The following BAHCC1 variants were observed in gnomAD, a reference collection of about 807,000 sequenced individuals.
The protein encoded by BAHCC1 is BAH domain and coiled-coil containing 1.
Under a neutral mutation model 88.2 loss-of-function variants are expected in BAHCC1, and 43 were observed. The observed-to-expected ratio is 0.49, with a 90% CI of 0.38 to 0.63. BAHCC1 has a LOEUF of 0.63. Ranked by LOEUF, BAHCC1 falls within the 20% of genes least tolerant of loss-of-function variation. The pLI, the probability that BAHCC1 is intolerant of heterozygous loss-of-function variation, is 0.00. For missense variants in BAHCC1, 3,023 were observed against 1,654.8 expected (o/e 1.83, Z -14.34); for synonymous variants, 1,510 against 745.5 (o/e 2.03, Z -16.71).
intron 10 of BAHCC1, among the ~76,000 whole-genome samples, chr17:81,446,153 T>C (rs1446373979): frequency 1.3e-5 from 2 of 152,046 alleles, no homozygotes; most frequent in Non-Finnish European, 2.9e-5. Context: ...CACCAGCCTA[T>C]TTGATTCTCT....
Position 81,462,958 on chromosome 17 carries a change from G to A in BAHCC1, c.7602G>A (p.Lys2534=). The change falls in exon 27 of 28, where the codon AAG becomes AAA. Residue 2534 remains lysine (K), a synonymous_variant. Coordinates refer to ENST00000675386, the MANE Select transcript of BAHCC1 (RefSeq NM_001377448.1). ...FYHPEETKLG[K]RQCDGKNALY... The stretch of plus-strand genomic sequence containing the variant: ...ACCCTGAGGAGACCAAGCTGGGCAA[G>A]AGGCAGTGCGACGGCAAGGTGAGGC... 1.3e-6 allele frequency: 1 copy of A among 781,082 alleles called. No individual in the cohort carries two copies. The highest frequency in any genetic ancestry group is 2.4e-6 in the Non-Finnish European group (1 of 418,888). The allele number at this position is 781,082 out of a possible 1,614,324, so 48.4% of individuals were successfully genotyped here.
At position 81,425,205 on chromosome 17, in the gene BAHCC1, A is replaced by ATG. The variant is rs2064166403; in HGVS notation, c.179-1594_179-1593dup. 1.8e-3 allele frequency among the ~76,000 whole-genome samples: 9 copies of ATG among 5,050 alleles called. 1 individual carries two copies. Among genetic ancestry groups the ATG allele is most frequent in the African/African-American group, 6.7e-3 (7 of 1,038 alleles). The allele number at this position is 5,050 out of a possible 152,430, so 3.3% of individuals were successfully genotyped here. On this transcript the variant is annotated intron_variant, in intron 2 of 27. Transcript: ENST00000675386. ...GTGGTGGGTGATGTGGTTGGTGATG[A>ATG]TGGTGGGTGATGTGGTTGGTGGTGA...
In BAHCC1 at chr17:81,462,777, A is replaced by T. The variant is rs967883187; in HGVS notation, c.7421A>T (p.Tyr2474Phe). The T allele has an allele frequency of 1.3e-6, 1 of 777,664 alleles. No homozygotes were observed. Among genetic ancestry groups the T allele is most frequent in the Non-Finnish European group, 2.4e-6 (1 of 416,244 alleles). 48.2% of individuals were successfully genotyped at this position (777,664 alleles called of 1,614,324 possible). The change falls in exon 27 of 28, where the codon TAC becomes TTC. Residue 2474 changes from tyrosine (Y) to phenylalanine (F), a missense_variant. Physicochemically the swap from Tyr to Phe is conservative, Grantham distance 22. Transcript: ENST00000675386. ...GMKGKARKLF[Y>F]KAIVRGEETL... ...AAGGGGAAGGCCCGGAAGCTGTTCT[A>T]CAAGGCCATCGTGCGGGGCGAGGAG... is the stretch of plus-strand genomic sequence containing the variant.
rs191228108 is a variant in BAHCC1, at chr17:81,463,634, C to T, written c.7644C>T (p.His2548=). The T allele has an allele frequency of 8.5e-5, 66 of 779,662 alleles. No individual in the cohort carries two copies. The African/African-American group carries it at 8.8e-4, about 10-fold the overall frequency. 48.3% of individuals were successfully genotyped at this position (779,662 alleles called of 1,614,324 possible). A position where few individuals can be genotyped will look rare whatever the true frequency, so the allele number is the denominator to read the frequency against. The change falls in exon 28 of 28, where the codon CAC becomes CAT. Residue 2548 remains histidine, a synonymous_variant. Coordinates refer to ENST00000675386, the MANE Select transcript of BAHCC1 (RefSeq NM_001377448.1). The part of the protein sequence containing the change: ...DGKNALYQSC[H]EDENDVQTIS... Reference sequence around the variant, plus strand: ...AGAATGCGCTGTACCAGTCCTGCCACGAGGATGAGAACGACGTGCAGACCA... The same window carrying T: ...AGAATGCGCTGTACCAGTCCTGCCATGAGGATGAGAACGACGTGCAGACCA...
chr17:81,442,119 C>A lies in BAHCC1; in HGVS notation c.770C>A (p.Pro257Gln). 1.5e-6 allele frequency: 1 copy of A among 683,578 alleles called. No individual in the cohort carries two copies. The allele number at this position is 683,578 out of a possible 1,614,324, so 42.3% of individuals were successfully genotyped here. ...KERHKLVLPV[P>Q]ADGHCREGGP... ...CGGCACAAGCTGGTGCTGCCCGTGC[C>A]AGCCGACGGGCACTGCAGGGAGGGC... is the stretch of plus-strand genomic sequence containing the variant. Residue 257 changes from proline to glutamine, a missense_variant, in exon 5 of 28, where the codon CCA becomes CAA. Physicochemically the swap from Pro to Gln is moderately conservative, Grantham distance 76. Transcript: ENST00000675386.
At chr17:81,406,500 T>C (rs2063881028) in intron 2 of BAHCC1, among the ~76,000 whole-genome samples, 6 of 151,810 alleles carry the variant, frequency 4.0e-5, no homozygotes, top group Admixed American at 3.3e-4. Context: ...CAGCGTGCAG[T>C]GTCTGGAAAA....
At chr17:81,456,710 G>A (rs907017877) in intron 16 of BAHCC1, 125 bp downstream of exon 16, 1 of 591,228 alleles carries the variant, frequency 1.7e-6, no homozygotes, top group Non-Finnish European at 3.0e-6. Context: ...GGTGTGACAG[G>A]TCCAAGGAGA....
At position 81,399,521 on chromosome 17, in the gene BAHCC1, T is replaced by G. The variant is rs1400346458; in HGVS notation, c.-206-13T>G. On this transcript the variant is annotated splice_polypyrimidine_tract_variant and intron_variant, in intron 1 of 27. Transcript: ENST00000675386. The surrounding 1 kb of genome is among the most constrained non-coding windows in gnomAD (Gnocchi z 4.5). ...CCCAGTCACCCGTGTCTCCTCTGCT[T>G]TTGCCTCCACAGACCATGGACCCGC... 10 of 352,366 alleles carry G rather than the reference T, an allele frequency of 2.8e-5. No individual in the cohort carries two copies. Among genetic ancestry groups the G allele is most frequent in the Non-Finnish European group, 5.1e-5 (9 of 175,504 alleles). 21.8% of individuals were successfully genotyped at this position (352,366 alleles called of 1,614,324 possible).
chr17:81,406,805 T>G, intron 2 of BAHCC1: 1 of 444,146 alleles, frequency 2.3e-6, no homozygotes, highest in South Asian at 1.6e-5. Flanking sequence ...GTCCTGGTTA[T>G]GAGGTCGGCG....
In BAHCC1 at chr17:81,442,481, C is replaced by A; in HGVS notation, c.1132C>A (p.Pro378Thr). 1 of 725,854 alleles carries A rather than the reference C, an allele frequency of 1.4e-6. No individual in the cohort carries two copies. The highest frequency in any genetic ancestry group is 1.5e-5 in the South Asian group (1 of 67,836). The allele number at this position is 725,854 out of a possible 1,614,324, so 45.0% of individuals were successfully genotyped here. Residue 378 changes from proline to threonine, a missense_variant, in exon 5 of 28, where the codon CCG becomes ACG. Coordinates refer to ENST00000675386, the MANE Select transcript of BAHCC1 (RefSeq NM_001377448.1). Reference sequence around the variant, plus strand: ...GCACGGGGGCCCTGACGGGCTCTGCCCGCTGCAGGACAAAGCCCCCCGGGA... The same window carrying A: ...GCACGGGGGCCCTGACGGGCTCTGCACGCTGCAGGACAAAGCCCCCCGGGA... The part of the protein sequence containing the change: ...QLHGGPDGLC[P>T]LQDKAPRDLK...
At position 81,438,361 on chromosome 17, in the gene BAHCC1, C is replaced by A; in HGVS notation, c.359-9C>A. On this transcript the variant is annotated splice_polypyrimidine_tract_variant and intron_variant, in intron 3 of 27. Transcript: ENST00000675386. ...GTTGCCTCTGCAACTGGGTCTCTTG[C>A]TTCTCTAGCTCCGGGGTACCCCAGA... 2.6e-6 allele frequency: 2 copies of A among 778,522 alleles called. No homozygotes were observed. The allele number at this position is 778,522 out of a possible 1,614,324, so 48.2% of individuals were successfully genotyped here. A position where few individuals can be genotyped will look rare whatever the true frequency, so the allele number is the denominator to read the frequency against.
At chr17:81,410,069 TTGCCC>T in intron 2 of BAHCC1, 1 of 373,874 alleles carries the variant, frequency 2.7e-6, no homozygotes, top group South Asian at 1.8e-5. Flanking sequence ...AAATGGGCAG[TTGCCC>T]TGCCCTGCTG....
At chr17:81,420,353 G>C (rs993116828) in intron 2 of BAHCC1, among the ~76,000 whole-genome samples, 2 of 152,222 alleles carry the variant, frequency 1.3e-5, no homozygotes, top group Non-Finnish European at 2.9e-5. Context: ...GCACCCCTGG[G>C]CCGGGGCCAG....
chr17:81,448,138 T>A (rs1280759241), intron 11 of BAHCC1, among the ~76,000 whole-genome samples: 1 of 152,164 alleles, frequency 6.6e-6, no homozygotes, highest in Non-Finnish European at 1.5e-5. Flanking sequence ...CTGTTGGAAG[T>A]GGCTGAACAG....
rs782040084 is a variant in BAHCC1, at chr17:81,459,486, G to C, written c.5797-10G>C. The C allele has an allele frequency of 1.3e-6, 1 of 778,874 alleles. No individual in the cohort carries two copies. Among genetic ancestry groups the C allele is most frequent in the African/African-American group, 1.7e-5 (1 of 59,114 alleles). The allele number at this position is 778,874 out of a possible 1,614,324, so 48.2% of individuals were successfully genotyped here. A position where few individuals can be genotyped will look rare whatever the true frequency, so the allele number is the denominator to read the frequency against. ...CACCTGCTCATGGGTCGTCGCCCGCGTTCCTGCAGGTTCTCGATGTGCGGC... is the reference window on the plus strand; with the variant it reads ...CACCTGCTCATGGGTCGTCGCCCGCCTTCCTGCAGGTTCTCGATGTGCGGC... On this transcript the variant is annotated splice_polypyrimidine_tract_variant and intron_variant, in intron 22 of 27. Coordinates refer to ENST00000675386, the MANE Select transcript of BAHCC1 (RefSeq NM_001377448.1).
intron 2 of BAHCC1, among the ~76,000 whole-genome samples, chr17:81,422,985 T>C (rs1338395372): frequency 1.3e-5 from 2 of 151,320 alleles, no homozygotes; most frequent in Non-Finnish European, 3.0e-5. Context: ...CAACCCAGAG[T>C]CCCCTCCCTG....
chr17:81,411,218 G>A lies in BAHCC1; in HGVS notation c.178+11301G>A. 1 of 515,772 alleles carries A rather than the reference G, an allele frequency of 1.9e-6. No individual in the cohort carries two copies. Among genetic ancestry groups the A allele is most frequent in the Non-Finnish European group, 3.9e-6 (1 of 259,098 alleles). The allele number at this position is 515,772 out of a possible 1,614,324, so 31.9% of individuals were successfully genotyped here. On this transcript the variant is annotated intron_variant, in intron 2 of 27. Coordinates refer to ENST00000675386, the MANE Select transcript of BAHCC1 (RefSeq NM_001377448.1). This position sits in a 1 kb window ranked among gnomAD's most constrained non-coding sequence, Gnocchi z 6.2. ...TCTGCGCCACCTGGGCATGCCCAGT[G>A]GGGCCCCAGGAGGACTCGCCACCCC...
chr17:81,406,795 G>T, intron 2 of BAHCC1: 1 of 438,070 alleles, frequency 2.3e-6, no homozygotes, highest in Non-Finnish European at 4.6e-6. Flanking sequence ...CGGCGCCCAG[G>T]TCCTGGTTAT....
chr17:81,453,597 C>CA (rs1304971432), intron 14 of BAHCC1, among the ~76,000 whole-genome samples: 1 of 152,050 alleles, frequency 6.6e-6, no homozygotes, highest in Admixed American at 6.5e-5. Flanking sequence ...GGCTGCCCCC[C>CA]CCCAGAGCTG....
Sources: gnomAD v4.1 joint callset for allele counts (sites outside exome capture counted in the v4.1 genomes callset) on GRCh38, gnomAD v4.1.1 for gene constraint, Gnocchi (gnomAD v3.1) non-coding constraint, MANE v1.5 for transcripts, NCBI Gene and HGNC (gene_info 2026-07-23, HGNC 2026-07-21) for gene names.